Variants in PIK3C2G observed in about 807,000 individuals in gnomAD.
PIK3C2G encodes the protein phosphatidylinositol-4-phosphate 3-kinase catalytic subunit type 2 gamma, also known as phosphatidylinositol 3-kinase C2 domain-containing subunit gamma.
A neutral mutation model predicts 181.1 loss-of-function variants in PIK3C2G; 168 were observed. The observed-to-expected ratio is 0.93, with a 90% CI of 0.82 to 1.05. PIK3C2G has a LOEUF of 1.05. Among genes scored for constraint, PIK3C2G ranks in the 50% least tolerant of loss-of-function variants. The pLI is 0.00. For missense variants in PIK3C2G, 1,869 were observed against 1,732.8 expected, an observed-to-expected ratio of 1.08 and a Z score of -1.40; for synonymous variants, 573 against 592.2, an observed-to-expected ratio of 0.97 and a Z score of 0.47.
At position 18,577,374 on chromosome 12, in the gene PIK3C2G, T is replaced by A. The variant is rs146562634; in HGVS notation, c.4011+10317T>A. Among the ~76,000 whole-genome samples, 626 of 152,320 alleles carry A rather than the reference T, an allele frequency of 4.1e-3. 5 individuals carry two copies. The highest frequency in any genetic ancestry group is 0.014 in the African/African-American group (602 of 41,560). On this transcript the variant is annotated intron_variant, in intron 29 of 32. Transcript: ENST00000538779. ...TTTGTCACATCCACATTTACAAATG[T>A]GCTAATTAAAGTACTACCCTAGAGG...
At chr12:18,330,873 T>A (rs1937883270) in intron 8 of PIK3C2G, among the ~76,000 whole-genome samples, 1 of 152,200 alleles carries the variant, frequency 6.6e-6, no homozygotes. Flanking sequence ...TTATTTCACT[T>A]ACGTGCCATT....
chr12:18,592,662 G>A (rs182549996), intron 29 of PIK3C2G, among the ~76,000 whole-genome samples: 1 of 151,918 alleles, frequency 6.6e-6, no homozygotes, highest in East Asian at 1.9e-4. Flanking sequence ...AATTTGCAAG[G>A]GGCATTAATG....
intron 18 of PIK3C2G, among the ~76,000 whole-genome samples, chr12:18,470,442 GC>G: frequency 6.6e-6 from 1 of 152,180 alleles, no homozygotes; most frequent in Non-Finnish European, 1.5e-5. Flanking sequence ...TGAAACCACA[GC>G]CCCATGCGGT....
chr12:18,692,225 T>C, the PIK3C2G span, among the ~76,000 whole-genome samples: 1 of 152,236 alleles, frequency 6.6e-6, no homozygotes, highest in East Asian at 1.9e-4. Context: ...AGGTAGGATC[T>C]GAGATGGTTT....
chr12:18,371,106 A>G (rs1942025387), intron 12 of PIK3C2G, 74 bp from the exon 13 acceptor site: 14 of 1,242,228 alleles, frequency 1.1e-5, no homozygotes, highest in Non-Finnish European at 1.5e-5. Context: ...CCAGACCAGT[A>G]CATTATAAGA....
intron 15 of PIK3C2G, among the ~76,000 whole-genome samples, chr12:18,392,109 T>C (rs994745506): frequency 2.6e-5 from 4 of 152,098 alleles, no homozygotes; most frequent in African/African-American, 9.7e-5. Flanking sequence ...GAGGCCATGA[T>C]GGCTAGAACT....
chr12:18,664,026 C>A, the PIK3C2G span, among the ~76,000 whole-genome samples: 12 of 152,030 alleles, frequency 7.9e-5, no homozygotes, highest in African/African-American at 2.9e-4. Flanking sequence ...ATTGAAAATG[C>A]AAATCAAAAC....
intron 28 of PIK3C2G, 41 bp downstream of exon 28, chr12:18,563,539 T>G (rs777819999): frequency 6.3e-7 from 1 of 1,597,666 alleles, no homozygotes; most frequent in Admixed American, 1.7e-5. Flanking sequence ...CTTCAGTACT[T>G]GTCCTTGAGC....
At chr12:18,295,614 A>G (rs2137239985) in intron 5 of PIK3C2G, among the ~76,000 whole-genome samples, 1 of 152,130 alleles carries the variant, frequency 6.6e-6, no homozygotes, top group East Asian at 1.9e-4. Context: ...TGTACATGTT[A>G]ATGTTTTCAT....
At chr12:18,247,739 A>T (rs1039456182) in exon 1 of PIK3C2G, 4 of 152,208 alleles carry the variant, frequency 2.6e-5, no homozygotes, top group African/African-American at 9.7e-5. Flanking sequence ...GGAAGGGAAG[A>T]TGGAGCCGCC....
intron 18 of PIK3C2G, among the ~76,000 whole-genome samples, chr12:18,485,367 G>A (rs1939927648): frequency 6.6e-6 from 1 of 152,096 alleles, no homozygotes; most frequent in Admixed American, 6.6e-5. Flanking sequence ...TGCTAGCTGA[G>A]GTTGGTGACT....
intron 8 of PIK3C2G, among the ~76,000 whole-genome samples, chr12:18,330,341 C>A (rs765273146): frequency 2.0e-5 from 3 of 152,082 alleles, no homozygotes; most frequent in Non-Finnish European, 4.4e-5. Flanking sequence ...AGATTTCATA[C>A]ACCAAAAATT....
chr12:18,552,827 G>A (rs1334837473), intron 26 of PIK3C2G, among the ~76,000 whole-genome samples: 1 of 151,996 alleles, frequency 6.6e-6, no homozygotes, highest in Non-Finnish European at 1.5e-5. Flanking sequence ...TGCTGTTTTT[G>A]AATTATATGA....
At chr12:18,575,606 C>T (rs1312608190) in intron 29 of PIK3C2G, among the ~76,000 whole-genome samples, 1 of 152,058 alleles carries the variant, frequency 6.6e-6, no homozygotes, top group Non-Finnish European at 1.5e-5. Flanking sequence ...ACTGCCTGAG[C>T]ACCTAAGGAG....
chr12:18,250,916 A>C (rs762151339), intron 1 of PIK3C2G, among the ~76,000 whole-genome samples: 30 of 152,110 alleles, frequency 2.0e-4, no homozygotes, highest in Middle Eastern at 3.4e-3. Context: ...CATGTGCAAA[A>C]TCAGATAATT....
chr12:18,256,571 C>T (rs544930216), upstream of PIK3C2G, among the ~76,000 whole-genome samples: 26 of 152,128 alleles, frequency 1.7e-4, no homozygotes, highest in South Asian at 4.6e-3. Flanking sequence ...TATTTACTGC[C>T]GGCCCTCCTT....
In PIK3C2G at chr12:18,335,049, G is replaced by C. The variant is rs552607248; in HGVS notation, c.1273-3377G>C. On this transcript the variant is annotated intron_variant, in intron 8 of 32. Transcript: ENST00000538779. ...CCAGAGACACACAGAGCACAGACGA[G>C]GGTTCAGTTCCTCACATAATCATTT... 1.3e-3 allele frequency among the ~76,000 whole-genome samples: 192 copies of C among 152,196 alleles called. No homozygotes were observed. The Middle Eastern group carries it at 0.02, about 16-fold the overall frequency.
intron 16 of PIK3C2G, among the ~76,000 whole-genome samples, chr12:18,407,900 A>T (rs1280818022): frequency 2.6e-5 from 4 of 152,112 alleles, no homozygotes; most frequent in Non-Finnish European, 5.9e-5. Flanking sequence ...GGAGTACATG[A>T]TTTAAGATGA....
At chr12:18,722,587 G>T in the PIK3C2G span, among the ~76,000 whole-genome samples, 53 of 152,042 alleles carry the variant, frequency 3.5e-4, no homozygotes, top group Admixed American at 1.0e-3. Flanking sequence ...CTTTAACAAT[G>T]TTTTGGTACC....
Sources: gnomAD v4.1 joint callset for allele counts (sites outside exome capture counted in the v4.1 genomes callset) on GRCh38, gnomAD v4.1.1 for gene constraint, MANE v1.5 for transcripts, NCBI Gene and HGNC (gene_info 2026-07-23, HGNC 2026-07-21) for gene names.